The following ZNF268 variants were observed in gnomAD, a reference collection of about 807,000 sequenced individuals.
The protein encoded by ZNF268 is zinc finger protein 268.
In ZNF268, 20 loss-of-function variants were observed where a neutral mutation model predicts 29.3. The observed-to-expected ratio is 0.68, with a 90% CI of 0.48 to 0.99. The LOEUF (loss-of-function observed/expected upper bound fraction) is 0.99. ZNF268 is among the 50% of genes least tolerant of loss of function. ZNF268 has a pLI of 0.00. For missense variants in ZNF268, 1,240 were observed against 1,121.6 expected (o/e 1.11, Z -1.51); for synonymous variants, 429 against 376.9 (o/e 1.14, Z -1.60).
intron 2 of ZNF268, among the ~76,000 whole-genome samples, chr12:133,183,466 C>T (rs1462678268): frequency 1.3e-5 from 2 of 151,026 alleles, no homozygotes; most frequent in Non-Finnish European, 2.9e-5. Context: ...CGCCACTGCA[C>T]TCCAGCCTGG....
In ZNF268 at chr12:133,187,909, G is replaced by A; in HGVS notation, c.71G>A (p.Arg24Lys). The change falls in exon 3 of 6, where the codon AGG (arginine) becomes AAG (lysine). Residue 24 changes from arginine to lysine, a missense_variant. This residue lies in a region of ZNF268 where 51 missense variants were observed against 51.4 expected (regional missense o/e 0.99). Coordinates refer to ENST00000536435, the MANE Select transcript of ZNF268 (RefSeq NM_003415.3). The part of the protein sequence containing the change: ...PLQERNSSWD[R>K]IRKLQGQESI... ...CAAGAACGAAACAGTTCATGGGATAGGATCAGAAAGCTCCAAGGTCAGGAA... is the reference window on the plus strand; with the variant it reads ...CAAGAACGAAACAGTTCATGGGATAAGATCAGAAAGCTCCAAGGTCAGGAA... 1.2e-6 allele frequency: 2 copies of A among 1,600,280 alleles called. No homozygotes were observed. Among genetic ancestry groups the A allele is most frequent in the Non-Finnish European group, 1.7e-6 (2 of 1,173,248 alleles).
At chr12:133,188,364 G>A (rs1042828236) in intron 3 of ZNF268, among the ~76,000 whole-genome samples, 24 of 152,064 alleles carry the variant, frequency 1.6e-4, no homozygotes, top group African/African-American at 5.8e-4. Context: ...CCTGGCTGAT[G>A]TTTTTTATTT....
rs1179822424 is a variant in ZNF268 at position 133,206,578 on chromosome 12, G to C, written c.*2048G>C. ...GGGAAGAGTGGGACCCTGCCAGTTA[G>C]ATTAGGGCTATCTTGGAGGAATATG... On this transcript the variant is annotated 3_prime_UTR_variant, in exon 6 of 6. Coordinates refer to ENST00000536435, the MANE Select transcript of ZNF268 (RefSeq NM_003415.3). 6.6e-6 allele frequency: 1 copy of C among 152,144 alleles called. No individual in the cohort carries two copies. Among genetic ancestry groups the C allele is most frequent in the South Asian group, 2.1e-4 (1 of 4,832 alleles). 9.4% of individuals were successfully genotyped at this position (152,144 alleles called of 1,614,324 possible). A position where few individuals can be genotyped will look rare whatever the true frequency, so the allele number is the denominator to read the frequency against.
In ZNF268 at chr12:133,210,001, T is replaced by C. The variant is rs1376606521; in HGVS notation, c.*5471T>C. The C allele has an allele frequency of 5.3e-5, 8 of 152,210 alleles. No individual in the cohort carries two copies. The highest frequency in any genetic ancestry group is 5.2e-4 in the Admixed American group (8 of 15,280). 9.4% of individuals were successfully genotyped at this position (152,210 alleles called of 1,614,324 possible). A position where few individuals can be genotyped will look rare whatever the true frequency, so the allele number is the denominator to read the frequency against. ...ACAAACCCATATGTATAAAAAGTAGTTGGGCTTGCTATAAAGATGACTAGT... is the reference window on the plus strand; with the variant it reads ...ACAAACCCATATGTATAAAAAGTAGCTGGGCTTGCTATAAAGATGACTAGT... On this transcript the variant is annotated 3_prime_UTR_variant, in exon 6 of 6. Coordinates refer to ENST00000536435, the MANE Select transcript of ZNF268 (RefSeq NM_003415.3).
Position 133,211,460 on chromosome 12 carries a change from C to T in ZNF268, c.*6930C>T, listed in dbSNP as rs749779578. 1.1e-5 allele frequency: 2 copies of T among 176,820 alleles called. No individual in the cohort carries two copies. The highest frequency in any genetic ancestry group is 1.5e-4 in the East Asian group (1 of 6,488). 11.0% of individuals were successfully genotyped at this position (176,820 alleles called of 1,614,324 possible). The stretch of plus-strand genomic sequence containing the variant: ...GCCAGGCGTGGTGGCGCTACTCTGC[C>T]ACCAAGTGGTAGCTACTCCGGAGGC... On this transcript the variant is annotated 3_prime_UTR_variant, in exon 6 of 6. Coordinates refer to ENST00000536435, the MANE Select transcript of ZNF268 (RefSeq NM_003415.3).
chr12:133,203,172 G>A lies in ZNF268; in HGVS notation c.1486G>A (p.Gly496Arg), dbSNP rs1225616880. ...QLIVHQRSHT[G>R]MKPYVCNECG... ...CATTGTACATCAGAGAAGTCACACA[G>A]GAATGAAACCTTATGTATGCAATGA... Residue 496 changes from glycine (G) to arginine (R), a missense_variant, in exon 6 of 6, where the codon GGA becomes AGA. By Grantham distance (125) the Gly-to-Arg change is moderately radical (BLOSUM62 -2). Around this residue, in one of 3 missense-constraint regions of ZNF268, gnomAD observed 1,177 missense variants for 1,039.6 expected, o/e 1.13. Transcript: ENST00000536435. The A allele has an allele frequency of 2.0e-6, 3 of 1,537,704 alleles. No individual in the cohort carries two copies. The Middle Eastern group carries it at 5.0e-4, about 257-fold the overall frequency.
intron 2 of ZNF268, among the ~76,000 whole-genome samples, chr12:133,183,777 G>C (rs1956235702): frequency 6.6e-6 from 1 of 152,168 alleles, no homozygotes; most frequent in African/African-American, 2.4e-5. Flanking sequence ...TGTACCCTAA[G>C]AAGAGAACTG....
rs764454384 is a variant in ZNF268 at position 133,204,409 on chromosome 12, G to T, written c.2723G>T (p.Ser908Ile). 4 of 1,568,302 alleles carry T rather than the reference G, an allele frequency of 2.6e-6. No homozygotes were observed. Among genetic ancestry groups the T allele is most frequent in the Non-Finnish European group, 3.4e-6 (4 of 1,161,996 alleles). ...GKTFSQKSIL[S>I]AHQRTHTGEK... ...ACCTTCTCTCAAAAATCAATTCTCA[G>T]TGCACATCAGAGAACACATACAGGA... Residue 908 changes from serine to isoleucine, a missense_variant, in exon 6 of 6, where the codon AGT becomes ATT. Around this residue, in one of 3 missense-constraint regions of ZNF268, gnomAD observed 1,177 missense variants for 1,039.6 expected, o/e 1.13. Coordinates refer to ENST00000536435, the MANE Select transcript of ZNF268 (RefSeq NM_003415.3).
chr12:133,182,087 G>GCACT lies in ZNF268; in HGVS notation c.33+59_33+62dup, dbSNP rs375647946. ...GCTCTCCCTGAATGCCAACGTGTGC[G>GCACT]CACTCCATCTACTCCAGTCTGAATT... On this transcript the variant is annotated intron_variant, in intron 2 of 5. Transcript: ENST00000536435. 1.2e-3 allele frequency: 1,885 copies of GCACT among 1,522,458 alleles called. 13 individuals carry two copies. In the African/African-American group the frequency reaches 0.02, roughly 16 times the overall value. 94.3% of individuals were successfully genotyped at this position (1,522,458 alleles called of 1,614,324 possible).
chr12:133,191,471 G>T lies in ZNF268; in HGVS notation c.235-18G>T. 6.2e-7 allele frequency: 1 copy of T among 1,613,748 alleles called. No individual in the cohort carries two copies. The highest frequency in any genetic ancestry group is 1.1e-5 in the South Asian group (1 of 91,002). ...CTAGTAAAATAACTTGAAATTGGATGAGCATATTGTATTTCAGGGACCTTT... is the reference window on the plus strand; with the variant it reads ...CTAGTAAAATAACTTGAAATTGGATTAGCATATTGTATTTCAGGGACCTTT... On this transcript the variant is annotated intron_variant, in intron 3 of 5. Coordinates refer to ENST00000536435, the MANE Select transcript of ZNF268 (RefSeq NM_003415.3).
chr12:133,187,876 C>T lies in ZNF268; in HGVS notation c.38C>T (p.Pro13Leu), dbSNP rs1956363005. ...AATTTGCTCTTGAGTCCACAGGTCC[C>T]ACCTCTCCAAGAACGAAACAGTTCA... Reference protein sequence around the residue: ...TRVRTASIWVPPLQERNSSWD... With the variant: ...TRVRTASIWVLPLQERNSSWD... Residue 13 changes from proline to leucine, a missense_variant, in exon 3 of 6, where the codon CCA (proline) becomes CTA (leucine). Pro to Leu is a moderately conservative substitution (Grantham distance 98). Transcript: ENST00000536435. 6 of 1,590,802 alleles carry T rather than the reference C, an allele frequency of 3.8e-6. No homozygotes were observed. Among genetic ancestry groups the T allele is most frequent in the South Asian group, 1.1e-5 (1 of 87,214 alleles).
rs1020948704 is a variant in ZNF268 at position 133,187,929 on chromosome 12, C to T, written c.91C>T (p.Gln31Ter). The T allele has an allele frequency of 5.0e-6, 8 of 1,600,764 alleles. No individual in the cohort carries two copies. In the Admixed American group the frequency reaches 1.0e-4, roughly 21 times the overall value. The change falls in exon 3 of 6, where the codon CAG becomes TAG. Residue 31 changes from glutamine to a stop codon, truncating the protein, a stop_gained. Transcript: ENST00000536435. LOFTEE classifies it high-confidence loss of function. ...GGATAGGATCAGAAAGCTCCAAGGT[C>T]AGGAATCCATCTTGGGCCAAGGGAC... ...SWDRIRKLQGQESILGQGTPG... is the reference protein window; with the variant it reads ...SWDRIRKLQG
intron 2 of ZNF268, chr12:133,184,741 T>C (rs1325054882): frequency 6.7e-6 from 3 of 448,058 alleles, no homozygotes; most frequent in Middle Eastern, 1.0e-3. Flanking sequence ...CTCAGCCTCC[T>C]GAGTAGCTGG....
chr12:133,200,639 G>A (rs1293300768), intron 5 of ZNF268, among the ~76,000 whole-genome samples: 1 of 151,986 alleles, frequency 6.6e-6, no homozygotes, highest in Non-Finnish European at 1.5e-5. Flanking sequence ...GATATTTCCT[G>A]TTGTGACAAA....
At chr12:133,182,075 G>A (rs747386587) in intron 2 of ZNF268, 45 bp downstream of exon 2, 4 of 1,544,834 alleles carry the variant, frequency 2.6e-6, no homozygotes, top group East Asian at 2.4e-5. Context: ...CTCCCTGAAT[G>A]CCAACGTGTG....
rs887159304 is a variant in ZNF268 at position 133,203,742 on chromosome 12, C to T, written c.2056C>T (p.His686Tyr). 9.6e-6 allele frequency: 15 copies of T among 1,557,160 alleles called. No individual in the cohort carries two copies. In the Admixed American group the frequency reaches 1.7e-4, roughly 18 times the overall value. The change falls in exon 6 of 6, where the codon CAT becomes TAT. Residue 686 changes from histidine (H) to tyrosine (Y), a missense_variant. Coordinates refer to ENST00000536435, the MANE Select transcript of ZNF268 (RefSeq NM_003415.3). ...TFSLKSQLIV[H>Y]QRSHTGVKPY... is the part of the protein sequence containing the mutation. ...TAGTTTGAAGTCCCAGCTCATTGTA[C>T]ATCAGAGAAGTCACACAGGAGTAAA... is the stretch of plus-strand genomic sequence containing the variant.
In ZNF268 at chr12:133,210,465, C is replaced by A; in HGVS notation, c.*5935C>A. The A allele has an allele frequency of 4.9e-6, 1 of 202,232 alleles. No homozygotes were observed. The highest frequency in any genetic ancestry group is 1.0e-5 in the Non-Finnish European group (1 of 96,312). 12.5% of individuals were successfully genotyped at this position (202,232 alleles called of 1,614,324 possible). ...GCTCAGAACCTCACTGTGGATTTGC[C>A]CCACTAGGGTCCCTAGGTCAGTCCT... is the stretch of plus-strand genomic sequence containing the variant. On this transcript the variant is annotated 3_prime_UTR_variant, in exon 6 of 6. Transcript: ENST00000536435.
chr12:133,202,592 A>G lies in ZNF268; in HGVS notation c.906A>G (p.Lys302=). 1 of 1,606,992 alleles carries G rather than the reference A, an allele frequency of 6.2e-7. No homozygotes were observed. The highest frequency in any genetic ancestry group is 8.5e-7 in the Non-Finnish European group (1 of 1,176,228). The change falls in exon 6 of 6, where the codon AAA becomes AAG. Residue 302 remains lysine (K), a synonymous_variant. Transcript: ENST00000536435. Reference sequence around the variant, plus strand: ...ATCAGCAAACTCATGCCGAAGAGAAACCCTATGGTTGTAATGAATGTGGGA... The same window carrying G: ...ATCAGCAAACTCATGCCGAAGAGAAGCCCTATGGTTGTAATGAATGTGGGA... The part of the protein sequence containing the change: ...LVHQQTHAEE[K]PYGCNECGKD...
Position 133,210,718 on chromosome 12 carries a change from G to A in ZNF268, c.*6188G>A, listed in dbSNP as rs1423782793. ...ATTCCCCCCTGCCAAGGGTCCCCAG[G>A]TCAGTCCTGAGGAGAAGGCAGCTCA... is the stretch of plus-strand genomic sequence containing the variant. On this transcript the variant is annotated 3_prime_UTR_variant, in exon 6 of 6. Coordinates refer to ENST00000536435, the MANE Select transcript of ZNF268 (RefSeq NM_003415.3). The A allele has an allele frequency of 2.4e-6, 1 of 411,172 alleles. No individual in the cohort carries two copies. Among genetic ancestry groups the A allele is most frequent in the South Asian group, 1.7e-5 (1 of 58,588 alleles). 25.5% of individuals were successfully genotyped at this position (411,172 alleles called of 1,614,324 possible). A position where few individuals can be genotyped will look rare whatever the true frequency, so the allele number is the denominator to read the frequency against.
Sources: allele counts gnomAD v4.1 joint callset (sites outside exome capture counted in the v4.1 genomes callset), GRCh38; gene constraint gnomAD v4.1.1; regional missense constraint gnomAD v4.1.1; transcripts MANE v1.5; gene names NCBI Gene and HGNC (gene_info 2026-07-23, HGNC 2026-07-21).